The following CSMD1 variants were observed in gnomAD, a reference collection of about 807,000 sequenced individuals.
CSMD1 encodes CUB and Sushi multiple domains 1.
A neutral mutation model predicts 417.5 loss-of-function variants in CSMD1; 213 were observed. The observed-to-expected ratio is 0.51, with a 90% CI of 0.46 to 0.57. The LOEUF (loss-of-function observed/expected upper bound fraction) is 0.57, where lower values mean the gene tolerates loss of function less well. CSMD1 is among the 20% of genes least tolerant of loss of function. The pLI is 0.00. For missense variants in CSMD1, 6,923 were observed against 4,529.7 expected, an observed-to-expected ratio of 1.53 and a Z score of -15.17; for synonymous variants, 2,862 against 1,736.8, an observed-to-expected ratio of 1.65 and a Z score of -16.11.
intron 3 of CSMD1, among the ~76,000 whole-genome samples, chr8:4,151,977 C>G (rs2407819): frequency 0.12 from 18,865 of 152,096 alleles, 1,944 homozygotes; most frequent in East Asian, 0.26. Context: ...ACAATCCTTC[C>G]TGCTTGTGGT....
At position 3,996,571 on chromosome 8, in the gene CSMD1, A is replaced by T. The variant is rs1052591144; in HGVS notation, c.818+1332T>A. 2.0e-5 allele frequency among the ~76,000 whole-genome samples: 3 copies of T among 152,134 alleles called. No individual in the cohort carries two copies. In the East Asian group the frequency reaches 5.8e-4, roughly 29 times the overall value. ...CTCGGCTCAGCTTTTGCTTCCATGAACTCTAATGTTAGACATAGCGAGATA... is the reference window on the plus strand; with the variant it reads ...CTCGGCTCAGCTTTTGCTTCCATGATCTCTAATGTTAGACATAGCGAGATA... On this transcript the variant is annotated intron_variant, in intron 5 of 69. Transcript: ENST00000635120.
At chr8:3,669,392 G>T (rs1798869571) in intron 7 of CSMD1, among the ~76,000 whole-genome samples, 1 of 152,146 alleles carries the variant, frequency 6.6e-6, no homozygotes, top group Non-Finnish European at 1.5e-5. Flanking sequence ...AGCTTCTTGG[G>T]CTGGCCAGTC....
intron 5 of CSMD1, among the ~76,000 whole-genome samples, chr8:3,947,767 G>A (rs1462790374): frequency 6.6e-6 from 1 of 152,118 alleles, no homozygotes; most frequent in Non-Finnish European, 1.5e-5. Context: ...TCCATGTGCG[G>A]TTGAAAGGAC....
At chr8:4,327,233 C>T (rs1799609485) in intron 3 of CSMD1, among the ~76,000 whole-genome samples, 1 of 152,134 alleles carries the variant, frequency 6.6e-6, no homozygotes, top group Non-Finnish European at 1.5e-5. Flanking sequence ...GCTTAGTTTT[C>T]ATTAGTGTTT....
intron 7 of CSMD1, among the ~76,000 whole-genome samples, chr8:3,685,404 C>T (rs1243817630): frequency 6.6e-6 from 1 of 152,144 alleles, no homozygotes; most frequent in East Asian, 1.9e-4. Context: ...CTGCTCACTG[C>T]ACAGAATGCC....
At chr8:3,177,076 C>A (rs927927300) in intron 37 of CSMD1, among the ~76,000 whole-genome samples, 6 of 152,146 alleles carry the variant, frequency 3.9e-5, no homozygotes, top group African/African-American at 1.4e-4. Context: ...CCATGCCCAG[C>A]TTGGTGACCT....
At chr8:3,283,962 C>G (rs993222344) in intron 26 of CSMD1, among the ~76,000 whole-genome samples, 182 bp downstream of exon 26, 1 of 152,252 alleles carries the variant, frequency 6.6e-6, no homozygotes, top group Non-Finnish European at 1.5e-5. Flanking sequence ...GTGGCCTCAG[C>G]CATGAACCCA....
At chr8:3,978,924 G>A (rs1408666841) in intron 5 of CSMD1, among the ~76,000 whole-genome samples, 5 of 152,190 alleles carry the variant, frequency 3.3e-5, no homozygotes, top group African/African-American at 7.2e-5. Context: ...GCGTCCTAAT[G>A]TGCATTTCAT....
rs760304950 is a variant in CSMD1, at chr8:4,504,218, A to C, written c.303-84153T>G. Among the ~76,000 whole-genome samples, 17 of 152,292 alleles carry C rather than the reference A, an allele frequency of 1.1e-4. No homozygotes were observed. In the East Asian group the frequency reaches 3.3e-3, roughly 29 times the overall value. ...TCAAGGTCATTATACTGTGTGAACC[A>C]AGTCAGTTACAGAAAGTCAAATACC... is the stretch of plus-strand genomic sequence containing the variant. On this transcript the variant is annotated intron_variant, in intron 2 of 69. Transcript: ENST00000635120.
intron 1 of CSMD1, among the ~76,000 whole-genome samples, chr8:4,902,114 C>G (rs1229896262): frequency 6.6e-6 from 1 of 152,002 alleles, no homozygotes; most frequent in East Asian, 1.9e-4. Context: ...TTCCAAATAA[C>G]TATATATCAA....
intron 23 of CSMD1, among the ~76,000 whole-genome samples, chr8:3,333,747 C>G (rs1037117958): frequency 1.3e-4 from 20 of 152,174 alleles, no homozygotes; most frequent in African/African-American, 4.8e-4. Context: ...AAACTACTCA[C>G]TGGATGAAAA....
chr8:3,339,728 A>T (rs180930079), intron 23 of CSMD1, among the ~76,000 whole-genome samples: 1 of 152,266 alleles, frequency 6.6e-6, no homozygotes, highest in African/African-American at 2.4e-5. Context: ...TTTGAATGAC[A>T]ATCATCCATT....
intron 3 of CSMD1, among the ~76,000 whole-genome samples, chr8:4,210,942 C>A (rs1338842121): frequency 1.3e-5 from 2 of 152,108 alleles, no homozygotes; most frequent in Non-Finnish European, 1.5e-5. Context: ...GTCTGGAGTT[C>A]TGCTTTAAAC....
chr8:3,240,973 G>A (rs1246251948), intron 26 of CSMD1, among the ~76,000 whole-genome samples: 1 of 151,624 alleles, frequency 6.6e-6, no homozygotes, highest in African/African-American at 2.4e-5. Context: ...GCATTGAGCA[G>A]GGTAAGGGTG....
intron 3 of CSMD1, among the ~76,000 whole-genome samples, chr8:4,201,537 C>G (rs1307785762): frequency 2.3e-5 from 1 of 42,854 alleles, no homozygotes; most frequent in African/African-American, 1.0e-4. Context: ...GACTCTGTCT[C>G]CACAAAAAAA....
At chr8:4,829,737 CAAAAAA>C (rs11290763) in intron 1 of CSMD1, among the ~76,000 whole-genome samples, 1 of 109,998 alleles carries the variant, frequency 9.1e-6, no homozygotes, top group African/African-American at 3.5e-5. Context: ...GACCCTGTCT[CAAAAAA>C]AAAAAAAAAA....
chr8:3,639,288 T>C (rs10110241), intron 7 of CSMD1, among the ~76,000 whole-genome samples: 65,690 of 151,970 alleles, frequency 0.43, 14,362 homozygotes, highest in Middle Eastern at 0.6. Flanking sequence ...ATATACTTTA[T>C]TATTACTATT....
intron 2 of CSMD1, among the ~76,000 whole-genome samples, chr8:4,454,886 T>G (rs535803440): frequency 6.6e-6 from 1 of 152,160 alleles, no homozygotes; most frequent in African/African-American, 2.4e-5. Context: ...TGGCGTCCTG[T>G]GATACACCTA....
At chr8:4,991,628 T>G (rs2924716) in intron 1 of CSMD1, among the ~76,000 whole-genome samples, 71,035 of 152,034 alleles carry the variant, frequency 0.47, 17,188 homozygotes, top group Middle Eastern at 0.56. Context: ...GCCCTGCTGC[T>G]TGCAAGCGCC....
Sources: gnomAD v4.1 joint callset for allele counts (sites outside exome capture counted in the v4.1 genomes callset) on GRCh38, gnomAD v4.1.1 for gene constraint, MANE v1.5 for transcripts, NCBI Gene and HGNC (gene_info 2026-07-23, HGNC 2026-07-21) for gene names.